The following RELL1 variants were observed in gnomAD, a reference collection of about 807,000 sequenced individuals.
The protein encoded by RELL1 is RELT-like protein 1.
Under a neutral mutation model 23.0 loss-of-function variants are expected in RELL1, and 10 were observed. That is an observed-to-expected ratio of 0.43 (90% CI 0.27 to 0.74). RELL1 has a LOEUF of 0.74. Ranked by LOEUF, RELL1 falls within the 30% of genes least tolerant of loss-of-function variation. The pLI is 0.19. For synonymous variants in RELL1, 146 were observed against 146.8 expected (o/e 0.99, Z 0.04); for missense variants, 315 against 364.4 (o/e 0.86, Z 1.10).
At chr4:37,604,826 CACACATACACACAG>C (rs1719122682) in intron 6 of RELL1, among the ~76,000 whole-genome samples, 1 of 102,288 alleles carries the variant, frequency 9.8e-6, no homozygotes, top group African/African-American at 4.3e-5. Context: ...CACACAGACA[CACACATACACACAG>C]ACACACACAC....
At chr4:37,661,041 A>G (rs563454977) in intron 1 of RELL1, among the ~76,000 whole-genome samples, 49 of 151,736 alleles carry the variant, frequency 3.2e-4, no homozygotes, top group African/African-American at 1.1e-3. Flanking sequence ...AAAAAAAAAA[A>G]ACAAAAAACA....
At chr4:37,607,837 C>T (rs991306642), downstream of RELL1, among the ~76,000 whole-genome samples, 2 of 152,120 alleles carry the variant, frequency 1.3e-5, no homozygotes, top group Non-Finnish European at 2.9e-5. Flanking sequence ...ATCCGCCTGC[C>T]TCGGCCTCCC....
intron 1 of RELL1, among the ~76,000 whole-genome samples, chr4:37,649,813 A>G (rs1335597022): frequency 1.3e-5 from 2 of 152,282 alleles, no homozygotes; most frequent in Non-Finnish European, 2.9e-5. Context: ...GTAAACACAT[A>G]AACATTACAT....
chr4:37,605,787 A>G (rs11946350), downstream of RELL1, among the ~76,000 whole-genome samples: 6,366 of 52,978 alleles, frequency 0.12, 153 homozygotes, highest in African/African-American at 0.13. Context: ...GAGAGAGAGA[A>G]AGAAAGAGAA....
intron 1 of RELL1, among the ~76,000 whole-genome samples, chr4:37,685,454 T>TA (rs1425102576): frequency 7.2e-5 from 11 of 152,190 alleles, no homozygotes; most frequent in Admixed American, 1.3e-4. Context: ...CCATAAAACT[T>TA]ACACCTCCTC....
At chr4:37,605,848 A>AAAGAAAGAAAGAAAGAAAGAAAG (rs1435263321), downstream of RELL1, among the ~76,000 whole-genome samples, 2 of 107,144 alleles carry the variant, frequency 1.9e-5, no homozygotes, top group African/African-American at 2.8e-5. Flanking sequence ...AGAAAGAAGG[A>AAAGAAAGAAAGAAAGAAAGAAAG]AAAGAAAAGA....
intron 6 of RELL1, among the ~76,000 whole-genome samples, chr4:37,617,547 C>T (rs1044214954): frequency 6.6e-6 from 1 of 152,184 alleles, no homozygotes; most frequent in East Asian, 1.9e-4. Context: ...CTTTGGGAGG[C>T]CAAGGTGGGC....
intron 1 of RELL1, among the ~76,000 whole-genome samples, chr4:37,668,710 C>T (rs1335842079): frequency 6.7e-6 from 1 of 149,262 alleles, no homozygotes; most frequent in Non-Finnish European, 1.5e-5. Context: ...CTCTGCCTGG[C>T]TGCCCAGTCT....
At chr4:37,641,142 G>C (rs1254112268) in intron 3 of RELL1, among the ~76,000 whole-genome samples, 1 of 152,070 alleles carries the variant, frequency 6.6e-6, no homozygotes, top group Non-Finnish European at 1.5e-5. Context: ...ATGAATTCCT[G>C]TAACTCATCT....
At chr4:37,660,765 C>T (rs920267233) in intron 1 of RELL1, among the ~76,000 whole-genome samples, 6 of 152,304 alleles carry the variant, frequency 3.9e-5, no homozygotes, top group South Asian at 2.1e-4. Flanking sequence ...GGCGCGGTGG[C>T]TCACGCCTGT....
chr4:37,587,120 G>C (rs545048829), downstream of RELL1, among the ~76,000 whole-genome samples: 120 of 152,142 alleles, frequency 7.9e-4, no homozygotes, highest in African/African-American at 2.8e-3. Context: ...CTCTTGGTTT[G>C]TGACCTCCTT....
At chr4:37,658,241 C>T (rs1010039945) in intron 1 of RELL1, among the ~76,000 whole-genome samples, 1 of 152,104 alleles carries the variant, frequency 6.6e-6, no homozygotes, top group Non-Finnish European at 1.5e-5. Flanking sequence ...TGAGACCACT[C>T]AGGGCATGCC....
chr4:37,593,667 T>C (rs1213730464), intron 6 of RELL1, among the ~76,000 whole-genome samples: 1 of 152,128 alleles, frequency 6.6e-6, no homozygotes, highest in Non-Finnish European at 1.5e-5. Flanking sequence ...AAACTCAGAA[T>C]GCAGTTACTA....
rs1326424239 is a variant in RELL1, at chr4:37,682,899, T to C, written c.88+3301A>G. Among the ~76,000 whole-genome samples the C allele has an allele frequency of 3.9e-5, 6 of 152,372 alleles. No individual in the cohort carries two copies. In the East Asian group the frequency reaches 9.6e-4, roughly 24 times the overall value. On this transcript the variant is annotated intron_variant, in intron 1 of 6. Coordinates refer to ENST00000454158, the MANE Select transcript of RELL1 (RefSeq NM_001085400.2). Reference sequence around the variant, plus strand: ...CTCCTTACTCGAGGGCTATGCCCACTGTCTGAGAGAGAAACTAATAAACCT... The same window carrying C: ...CTCCTTACTCGAGGGCTATGCCCACCGTCTGAGAGAGAAACTAATAAACCT...
chr4:37,624,878 A>C (rs1719889786), intron 6 of RELL1, among the ~76,000 whole-genome samples: 1 of 152,220 alleles, frequency 6.6e-6, no homozygotes, highest in Non-Finnish European at 1.5e-5. Context: ...CACAGTACCA[A>C]AAGCTGATGC....
At chr4:37,652,537 T>C (rs575684291) in intron 1 of RELL1, among the ~76,000 whole-genome samples, 3 of 152,350 alleles carry the variant, frequency 2.0e-5, no homozygotes, top group South Asian at 4.1e-4. Flanking sequence ...GTAGGCAGCA[T>C]GCTGAGATCA....
rs184263518 is a variant in RELL1 at position 37,664,300 on chromosome 4, C to T, written c.89-14800G>A. Among the ~76,000 whole-genome samples, 315 of 151,448 alleles carry T rather than the reference C, an allele frequency of 2.1e-3. 1 individual carries two copies. The highest frequency in any genetic ancestry group is 7.4e-3 in the African/African-American group (307 of 41,258). On this transcript the variant is annotated intron_variant, in intron 1 of 6. Coordinates refer to ENST00000454158, the MANE Select transcript of RELL1 (RefSeq NM_001085400.2). ...CTGGGGCAGGAGAATTGCTTGAACC[C>T]GGGTTGAACCTGGGAGGCAGGGCTT...
intron 3 of RELL1, among the ~76,000 whole-genome samples, chr4:37,639,284 T>C (rs1170830335): frequency 7.0e-6 from 1 of 141,944 alleles, no homozygotes; most frequent in Admixed American, 7.9e-5. Context: ...CCTGGGAGGC[T>C]AAGGCAGAAA....
At chr4:37,670,379 CAT>C (rs1292137756) in intron 1 of RELL1, among the ~76,000 whole-genome samples, 7 of 152,132 alleles carry the variant, frequency 4.6e-5, no homozygotes, top group Non-Finnish European at 7.3e-5. Flanking sequence ...TACAATCCAT[CAT>C]ATTGACATTT....
Sources: gnomAD v4.1 joint callset for allele counts (sites outside exome capture counted in the v4.1 genomes callset) on GRCh38, gnomAD v4.1.1 for gene constraint, MANE v1.5 for transcripts, NCBI Gene and HGNC (gene_info 2026-07-23, HGNC 2026-07-21) for gene names.